COL26A1: variants seen among roughly 807,000 people sequenced by gnomAD.
COL26A1 encodes collagen alpha-1(XXVI) chain.
Under a neutral mutation model 59.3 loss-of-function variants are expected in COL26A1, and 41 were observed. The ratio of observed to expected loss-of-function variants is 0.69; its 90% CI spans 0.54 to 0.90. The LOEUF (loss-of-function observed/expected upper bound fraction) is 0.90, where lower values mean the gene tolerates loss of function less well. COL26A1 is among the 40% of genes least tolerant of loss of function. The pLI, the probability that COL26A1 is intolerant of heterozygous loss-of-function variation, is 0.00. For missense variants in COL26A1, 612 were observed against 602.3 expected (o/e 1.02, Z -0.17); for synonymous variants, 266 against 256.0 (o/e 1.04, Z -0.37).
At chr7:101,391,576 T>G (rs1252189223) in intron 1 of COL26A1, among the ~76,000 whole-genome samples, 1 of 152,222 alleles carries the variant, frequency 6.6e-6, no homozygotes, top group Non-Finnish European at 1.5e-5. Context: ...TTATTTATTT[T>G]TGAGACGGAG....
At chr7:101,442,718 G>C (rs1277109560) in intron 2 of COL26A1, among the ~76,000 whole-genome samples, 1 of 152,190 alleles carries the variant, frequency 6.6e-6, no homozygotes, top group Non-Finnish European at 1.5e-5. Flanking sequence ...TAGTGTGTTA[G>C]TGTGAGGCTG....
intron 1 of COL26A1, among the ~76,000 whole-genome samples, chr7:101,372,246 A>G (rs1584347983): frequency 6.6e-6 from 1 of 151,336 alleles, no homozygotes; most frequent in Non-Finnish European, 1.5e-5. Flanking sequence ...GCTCACTGCA[A>G]CCTCCGCCTC....
At chr7:101,478,429 C>A (rs968537566) in intron 3 of COL26A1, among the ~76,000 whole-genome samples, 1 of 152,194 alleles carries the variant, frequency 6.6e-6, no homozygotes, top group African/African-American at 2.4e-5. Context: ...TAGGTCATGA[C>A]ACAGGACAGC....
intron 3 of COL26A1, among the ~76,000 whole-genome samples, chr7:101,486,130 A>G (rs1794262943): frequency 6.6e-6 from 1 of 151,850 alleles, no homozygotes; most frequent in Non-Finnish European, 1.5e-5. Flanking sequence ...CCAAGATTGC[A>G]GCACTGCACT....
intron 3 of COL26A1, among the ~76,000 whole-genome samples, chr7:101,463,795 TTCTC>T (rs1160560607): frequency 1.4e-5 from 1 of 72,860 alleles, no homozygotes; most frequent in East Asian, 3.7e-4. Flanking sequence ...CTTCCTTTCT[TTCTC>T]TCTCTCTTTC....
At chr7:101,497,530 G>A (rs1367660101) in intron 3 of COL26A1, among the ~76,000 whole-genome samples, 16 of 151,726 alleles carry the variant, frequency 1.1e-4, no homozygotes, top group Non-Finnish European at 2.9e-5. Flanking sequence ...CAAAAAATTG[G>A]CCAGGTGTGG....
At chr7:101,455,240 C>T (rs2130403723) in intron 3 of COL26A1, among the ~76,000 whole-genome samples, 1 of 151,938 alleles carries the variant, frequency 6.6e-6, no homozygotes, top group Admixed American at 6.6e-5. Context: ...GACGGGGTTT[C>T]ACCATGTTGC....
intron 1 of COL26A1, among the ~76,000 whole-genome samples, chr7:101,384,928 A>G (rs1233666504): frequency 6.6e-6 from 1 of 152,172 alleles, no homozygotes. Flanking sequence ...CGTACATTTA[A>G]GAGTTCAAAA....
chr7:101,481,447 A>T (rs966412270), intron 3 of COL26A1, among the ~76,000 whole-genome samples: 5 of 143,476 alleles, frequency 3.5e-5, no homozygotes, highest in African/African-American at 5.1e-5. Context: ...AATCTCCCAA[A>T]ATATATATAT....
At chr7:101,431,416 T>C (rs907563801) in intron 2 of COL26A1, among the ~76,000 whole-genome samples, 1 of 152,082 alleles carries the variant, frequency 6.6e-6, no homozygotes, top group Non-Finnish European at 1.5e-5. Flanking sequence ...TGTGCCACCA[T>C]GCCCAGCTAA....
At chr7:101,449,356 A>G (rs569990007) in intron 3 of COL26A1, among the ~76,000 whole-genome samples, 6 of 152,314 alleles carry the variant, frequency 3.9e-5, no homozygotes, top group East Asian at 3.9e-4. Context: ...GGTCCCCCCA[A>G]CGGGATGGAG....
At chr7:101,420,206 G>A (rs11767356) in intron 2 of COL26A1, 107 bp downstream of exon 2, 284,965 of 1,357,176 alleles carry the variant, frequency 0.21, 32,331 homozygotes, top group Middle Eastern at 0.31. Context: ...ACAGACAAAG[G>A]CTGAGCATGC....
intron 3 of COL26A1, among the ~76,000 whole-genome samples, chr7:101,494,913 C>A (rs1187756574): frequency 6.6e-6 from 1 of 152,182 alleles, no homozygotes; most frequent in Admixed American, 6.5e-5. Context: ...TAGAGTTGGT[C>A]GTGATTCATC....
chr7:101,408,150 C>A (rs1463066426), intron 1 of COL26A1, among the ~76,000 whole-genome samples: 1 of 152,202 alleles, frequency 6.6e-6, no homozygotes, highest in Non-Finnish European at 1.5e-5. Context: ...TATACTGCAT[C>A]AGTGGAAGAA....
At chr7:101,474,245 GGCTT>G (rs1424422539) in intron 3 of COL26A1, among the ~76,000 whole-genome samples, 1 of 152,096 alleles carries the variant, frequency 6.6e-6, no homozygotes, top group Non-Finnish European at 1.5e-5. Flanking sequence ...CCAGAAACCG[GGCTT>G]GCTTTTCCTG....
intron 1 of COL26A1, among the ~76,000 whole-genome samples, chr7:101,383,629 G>A (rs1236412642): frequency 7.9e-5 from 12 of 152,138 alleles, no homozygotes; most frequent in African/African-American, 1.9e-4. Context: ...CTGCCTCCCC[G>A]GTTCAAGCGA....
chr7:101,465,031 TTTC>T (rs1793723603), intron 3 of COL26A1, among the ~76,000 whole-genome samples: 1 of 140,042 alleles, frequency 7.1e-6, no homozygotes. Flanking sequence ...TAATTCTTTC[TTTC>T]TTTTTTTTTT....
chr7:101,378,436 C>T (rs888652863), intron 1 of COL26A1, among the ~76,000 whole-genome samples: 2 of 152,156 alleles, frequency 1.3e-5, no homozygotes, highest in Non-Finnish European at 2.9e-5. Flanking sequence ...GCAGGAGAAT[C>T]GCTTGAACCG....
At chr7:101,371,706 C>T (rs34816745) in intron 1 of COL26A1, among the ~76,000 whole-genome samples, 32,360 of 151,868 alleles carry the variant, frequency 0.21, 3,661 homozygotes, top group Non-Finnish European at 0.25. Context: ...GTGGGAAGAA[C>T]GCTTGAACCC....
Sources: gnomAD v4.1 joint callset for allele counts (sites outside exome capture counted in the v4.1 genomes callset) on GRCh38, gnomAD v4.1.1 for gene constraint, MANE v1.5 for transcripts, NCBI Gene and HGNC (gene_info 2026-07-23, HGNC 2026-07-21) for gene names.